PTPRO: variants seen among roughly 807,000 people sequenced by gnomAD.
PTPRO encodes protein tyrosine phosphatase receptor type O.
A neutral mutation model predicts 145.2 loss-of-function variants in PTPRO; 62 were observed. The observed-to-expected ratio is 0.43, with a 90% CI of 0.35 to 0.53. PTPRO has a LOEUF of 0.53. Ranked by LOEUF, PTPRO falls within the 20% of genes least tolerant of loss-of-function variation. PTPRO has a pLI of 0.01. For missense variants in PTPRO, 1,345 were observed against 1,482.7 expected, an observed-to-expected ratio of 0.91 and a Z score of 1.53; for synonymous variants, 565 against 514.7, an observed-to-expected ratio of 1.10 and a Z score of -1.32.
chr12:15,413,284 A>G (rs1939853213), intron 1 of PTPRO, among the ~76,000 whole-genome samples: 1 of 152,042 alleles, frequency 6.6e-6, no homozygotes, highest in South Asian at 2.1e-4. Context: ...TTTTATAGAT[A>G]TGGGGTTTCA....
Position 15,573,374 on chromosome 12 carries a change from T to C in PTPRO, c.2829+3876T>C, listed in dbSNP as rs143053630. 4.2e-3 allele frequency among the ~76,000 whole-genome samples: 635 copies of C among 152,270 alleles called. 2 individuals are homozygous for C. Among genetic ancestry groups the C allele is most frequent in the Non-Finnish European group, 6.6e-3 (448 of 68,024 alleles). The stretch of plus-strand genomic sequence containing the variant: ...TACTTACGTAAATGTTAATCACATA[T>C]GAGAAAAACACCTTCACAGCAGCAG... On this transcript the variant is annotated intron_variant, in intron 19 of 26. Coordinates refer to ENST00000281171, the MANE Select transcript of PTPRO (RefSeq NM_030667.3).
At chr12:15,561,765 C>T (rs1943778137) in intron 17 of PTPRO, among the ~76,000 whole-genome samples, 1 of 152,070 alleles carries the variant, frequency 6.6e-6, no homozygotes, top group Non-Finnish European at 1.5e-5. Context: ...ACAGCAAATA[C>T]CCATAAAGTA....
chr12:15,473,768 C>CAAAAAA (rs11340085), intron 1 of PTPRO, among the ~76,000 whole-genome samples: 23 of 65,536 alleles, frequency 3.5e-4, no homozygotes, highest in East Asian at 1.5e-3. Context: ...GACTCCATCT[C>CAAAAAA]AAAAAAAAAA....
At chr12:15,545,528 G>T (rs550059430) in intron 12 of PTPRO, among the ~76,000 whole-genome samples, 1 of 151,308 alleles carries the variant, frequency 6.6e-6, no homozygotes, top group East Asian at 2.0e-4. Flanking sequence ...GACAGCAGAT[G>T]ACTATTAGAA....
At chr12:15,389,780 G>A (rs1939138101) in intron 1 of PTPRO, among the ~76,000 whole-genome samples, 1 of 152,118 alleles carries the variant, frequency 6.6e-6, no homozygotes, top group Non-Finnish European at 1.5e-5. Context: ...AACATTGCCT[G>A]TTTCTTATTA....
intron 15 of PTPRO, among the ~76,000 whole-genome samples, chr12:15,556,112 C>T (rs1288684819): frequency 6.6e-6 from 1 of 152,044 alleles, no homozygotes; most frequent in African/African-American, 2.4e-5. Context: ...TACCCTTTTC[C>T]CACATATGTT....
In PTPRO at chr12:15,524,918, C is replaced by T. The variant is rs1446804151; in HGVS notation, c.1996C>T (p.Leu666Phe). 1 of 1,614,008 alleles carries T rather than the reference C, an allele frequency of 6.2e-7. No individual in the cohort carries two copies. Among genetic ancestry groups the T allele is most frequent in the Admixed American group, 1.7e-5 (1 of 60,034 alleles). Reference protein sequence around the residue: ...DTTDLSHSRMLHWMVVAEGKK... With the variant: ...DTTDLSHSRMFHWMVVAEGKK... ...AACGGACTTGTCCCATTCTAGAATG[C>T]TTCACTGGATGGTGGTTGCAGAAGG... is the stretch of plus-strand genomic sequence containing the variant. The change falls in exon 11 of 27, where the codon CTT becomes TTT. Residue 666 changes from leucine (L) to phenylalanine (F), a missense_variant. By Grantham distance (22) the Leu-to-Phe change is conservative. Around this residue, in one of 3 missense-constraint regions of PTPRO, gnomAD observed 1,130 missense variants for 1,214.7 expected, o/e 0.93. Coordinates refer to ENST00000281171, the MANE Select transcript of PTPRO (RefSeq NM_030667.3).
At chr12:15,388,389 A>C (rs984395313) in intron 1 of PTPRO, among the ~76,000 whole-genome samples, 2 of 152,176 alleles carry the variant, frequency 1.3e-5, no homozygotes, top group African/African-American at 4.8e-5. Context: ...CTGTTTTTTT[A>C]ATTGAAACTG....
intron 1 of PTPRO, among the ~76,000 whole-genome samples, chr12:15,411,486 G>C (rs1037097977): frequency 6.6e-6 from 1 of 152,190 alleles, no homozygotes; most frequent in Non-Finnish European, 1.5e-5. Flanking sequence ...GAACAGAAAA[G>C]GTGAGACTGC....
At chr12:15,411,230 T>C (rs1181605159) in intron 1 of PTPRO, among the ~76,000 whole-genome samples, 5 of 152,204 alleles carry the variant, frequency 3.3e-5, no homozygotes, top group African/African-American at 1.2e-4. Context: ...CTCTAAATTG[T>C]TCTATTCAGG....
At chr12:15,557,909 A>C (rs1045802936) in intron 16 of PTPRO, among the ~76,000 whole-genome samples, 4 of 151,858 alleles carry the variant, frequency 2.6e-5, no homozygotes, top group African/African-American at 9.7e-5. Context: ...ATTTTATTTT[A>C]TATTTTATTT....
At chr12:15,379,064 C>G (rs1054269559) in intron 1 of PTPRO, among the ~76,000 whole-genome samples, 16 of 151,970 alleles carry the variant, frequency 1.1e-4, no homozygotes, top group African/African-American at 3.4e-4. Context: ...ATTTAGAACC[C>G]TCATACATTG....
intron 1 of PTPRO, among the ~76,000 whole-genome samples, chr12:15,479,268 T>A (rs1941727604): frequency 6.6e-6 from 1 of 152,122 alleles, no homozygotes. Context: ...AAGCCCTTCC[T>A]CTAGAGGGGC....
intron 1 of PTPRO, among the ~76,000 whole-genome samples, chr12:15,419,247 G>T (rs757839084): frequency 7.1e-6 from 1 of 140,826 alleles, no homozygotes; most frequent in Admixed American, 7.4e-5. Context: ...CTCCAGTAAC[G>T]ATAGGAGCAT....
chr12:15,433,689 G>A (rs1268874503), intron 1 of PTPRO, among the ~76,000 whole-genome samples: 1 of 152,086 alleles, frequency 6.6e-6, no homozygotes, highest in Non-Finnish European at 1.5e-5. Flanking sequence ...TTATTTCTGG[G>A]CTCTCTATTC....
chr12:15,367,122 C>T (rs962952253), intron 1 of PTPRO, among the ~76,000 whole-genome samples: 5 of 152,204 alleles, frequency 3.3e-5, no homozygotes, highest in Non-Finnish European at 5.9e-5. Flanking sequence ...TGAGCATCTA[C>T]TTTAGACAAA....
intron 1 of PTPRO, among the ~76,000 whole-genome samples, chr12:15,450,913 AAAC>A (rs1941029251): frequency 6.6e-6 from 1 of 152,160 alleles, no homozygotes; most frequent in Admixed American, 6.5e-5. Flanking sequence ...AGGACCTATA[AAAC>A]AACAATAAAG....
chr12:15,416,925 A>G (rs1849881874), intron 1 of PTPRO, among the ~76,000 whole-genome samples: 1 of 151,606 alleles, frequency 6.6e-6, no homozygotes, highest in Non-Finnish European at 1.5e-5. Flanking sequence ...GGAGAAGTGG[A>G]AAAGTGCCTG....
chr12:15,361,732 CA>C (rs746923448), intron 1 of PTPRO, among the ~76,000 whole-genome samples: 6 of 152,084 alleles, frequency 3.9e-5, no homozygotes, highest in Non-Finnish European at 8.8e-5. Context: ...GGCAAATGTA[CA>C]AAAAGAATCA....
Sources: gnomAD v4.1 joint callset for allele counts (sites outside exome capture counted in the v4.1 genomes callset) on GRCh38, gnomAD v4.1.1 for gene constraint, gnomAD v4.1.1 regional missense constraint, MANE v1.5 for transcripts, NCBI Gene and HGNC (gene_info 2026-07-23, HGNC 2026-07-21) for gene names.